Variants in URB2 observed in about 807,000 individuals in gnomAD.
URB2 encodes the protein unhealthy ribosome biogenesis protein 2 homolog.
Under a neutral mutation model 120.9 loss-of-function variants are expected in URB2, and 86 were observed. The ratio of observed to expected loss-of-function variants is 0.71; its 90% CI spans 0.60 to 0.85. The LOEUF (loss-of-function observed/expected upper bound fraction) is 0.85. Among genes scored for constraint, URB2 ranks in the 40% least tolerant of loss-of-function variants. The pLI is 0.00. For synonymous variants in URB2, 755 were observed against 758.4 expected, an observed-to-expected ratio of 1.00 and a Z score of 0.07; for missense variants, 1,765 against 1,836.5, an observed-to-expected ratio of 0.96 and a Z score of 0.71.
chr1:229,636,016 G>A lies in URB2; in HGVS notation c.1403G>A (p.Arg468Gln), dbSNP rs747719182. The change falls in exon 4 of 10, where the codon CGG becomes CAG. Residue 468 changes from arginine (R) to glutamine (Q), a missense_variant. By Grantham distance (43) the Arg-to-Gln change is conservative. Coordinates refer to ENST00000258243, the MANE Select transcript of URB2 (RefSeq NM_014777.4). The stretch of plus-strand genomic sequence containing the variant: ...TATGCCAAACTCCGACAAGTGCCAC[G>A]GTTGTTTGAAGAGGTTTTGGGGGTG... Reference protein sequence around the residue: ...QTYAKLRQVPRLFEEVLGVIC... With the variant: ...QTYAKLRQVPQLFEEVLGVIC... 2.5e-6 allele frequency: 4 copies of A among 1,613,770 alleles called. No homozygotes were observed. Among genetic ancestry groups the A allele is most frequent in the South Asian group, 2.2e-5 (2 of 91,082 alleles).
intron 9 of URB2, 150 bp downstream of exon 9, chr1:229,654,538 G>C: frequency 8.6e-7 from 1 of 1,156,408 alleles, no homozygotes; most frequent in African/African-American, 1.5e-5. Context: ...TCTCACTCAG[G>C]CTGGAGTGCA....
rs141826894 is a variant in URB2 at position 229,635,915 on chromosome 1, G to A, written c.1302G>A (p.Ala434=). The A allele has an allele frequency of 1.2e-4, 201 of 1,614,072 alleles. 2 individuals are homozygous for A. The highest frequency in any genetic ancestry group is 1.1e-4 in the South Asian group (10 of 91,088). The stretch of plus-strand genomic sequence containing the variant: ...ACCTGGATGACCTGCTGGCTTCAGC[G>A]TGGATCGATGCCGAGGTAACAGAGT... ...EPDLDDLLAS[A]WIDAEVTEFR... Residue 434 remains alanine (A), a synonymous_variant, in exon 4 of 10, where the codon GCG becomes GCA. Coordinates refer to ENST00000258243, the MANE Select transcript of URB2 (RefSeq NM_014777.4).
Position 229,660,149 on chromosome 1 carries a change from A to G in URB2, c.*852A>G, listed in dbSNP as rs1666490119. 1 of 152,224 alleles carries G rather than the reference A, an allele frequency of 6.6e-6. No homozygotes were observed. Among genetic ancestry groups the G allele is most frequent in the Admixed American group, 6.5e-5 (1 of 15,280 alleles). The allele number at this position is 152,224 out of a possible 1,614,324, so 9.4% of individuals were successfully genotyped here. On this transcript the variant is annotated 3_prime_UTR_variant, in exon 10 of 10. Coordinates refer to ENST00000258243, the MANE Select transcript of URB2 (RefSeq NM_014777.4). Reference sequence around the variant, plus strand: ...TATGTGTATGTATATAGATGTGCATATAAATATATATAGTAGCTAAATTGG... The same window carrying G: ...TATGTGTATGTATATAGATGTGCATGTAAATATATATAGTAGCTAAATTGG...
chr1:229,649,837 T>C (rs1273832444), intron 7 of URB2, among the ~76,000 whole-genome samples: 1 of 152,164 alleles, frequency 6.6e-6, no homozygotes, highest in Non-Finnish European at 1.5e-5. Flanking sequence ...ATTTTGCAGA[T>C]GAGGAAACTG....
chr1:229,628,219 C>T (rs1233404694), intron 2 of URB2, among the ~76,000 whole-genome samples: 3 of 141,082 alleles, frequency 2.1e-5, no homozygotes, highest in African/African-American at 7.9e-5. Flanking sequence ...TATACATATA[C>T]ATATTATATA....
chr1:229,641,557 T>C (rs1465651407), intron 4 of URB2, among the ~76,000 whole-genome samples: 1 of 151,684 alleles, frequency 6.6e-6, no homozygotes, highest in Non-Finnish European at 1.5e-5. Context: ...AAGTGAGGAG[T>C]GGCCCAAGGC....
At position 229,650,579 on chromosome 1, in the gene URB2, C is replaced by T. The variant is rs114787326; in HGVS notation, c.4150-656C>T. On this transcript the variant is annotated intron_variant, in intron 7 of 9. Transcript: ENST00000258243. ...CCCAGTAGCTGGAATTACAGGCATC[C>T]GGCGCCATGCTTGGCTAATTTTTGT... Among the ~76,000 whole-genome samples, 1,065 of 152,096 alleles carry T rather than the reference C, an allele frequency of 7.0e-3. 12 individuals carry two copies. The highest frequency in any genetic ancestry group is 0.014 in the African/African-American group (560 of 41,456).
chr1:229,642,018 T>TA (rs199571026), intron 4 of URB2, among the ~76,000 whole-genome samples: 14 of 151,004 alleles, frequency 9.3e-5, no homozygotes, highest in East Asian at 3.9e-4. Context: ...TCCAGAAACA[T>TA]AAAAAAAACC....
rs769502292 is a variant in URB2, at chr1:229,641,009, CT to C, written c.3635-2503del. ...CAACCCTACTGAGTTGAGGCAATCT[CT>C]TTTTTTTTTTTTTTTTTTTTGAGAC... On this transcript the variant is annotated intron_variant, in intron 4 of 9. Transcript: ENST00000258243. Among the ~76,000 whole-genome samples the C allele has an allele frequency of 7.4e-3, 856 of 115,252 alleles. 5 individuals are homozygous for C. Among genetic ancestry groups the C allele is most frequent in the African/African-American group, 0.024 (701 of 29,698 alleles). The allele number at this position is 115,252 out of a possible 152,430, so 75.6% of individuals were successfully genotyped here. A position where few individuals can be genotyped will look rare whatever the true frequency, so the allele number is the denominator to read the frequency against.
At chr1:229,627,865 T>C in intron 2 of URB2, 106 bp downstream of exon 2, 1 of 1,370,724 alleles carries the variant, frequency 7.3e-7, no homozygotes. Flanking sequence ...GAGAAAAAGT[T>C]GGGGAGGGAA....
Position 229,636,201 on chromosome 1 carries a change from C to A in URB2, c.1588C>A (p.Gln530Lys). 6.2e-7 allele frequency: 1 copy of A among 1,613,418 alleles called. No individual in the cohort carries two copies. The highest frequency in any genetic ancestry group is 1.7e-5 in the Admixed American group (1 of 60,010). Residue 530 changes from glutamine to lysine, a missense_variant, in exon 4 of 10, where the codon CAG (glutamine) becomes AAG (lysine). By Grantham distance (53) the Gln-to-Lys change is moderately conservative. Coordinates refer to ENST00000258243, the MANE Select transcript of URB2 (RefSeq NM_014777.4). ...CCAGTCTTTAGTCTTGCCCTATTTG[C>A]AGAGTGATGCCGACATGGCCCTGAA... ...KFQSLVLPYL[Q>K]SDADMALKSL...
At chr1:229,647,815 T>C (rs1340710683) in intron 7 of URB2, 63 bp downstream of exon 7, 8 of 1,552,282 alleles carry the variant, frequency 5.2e-6, no homozygotes, top group Non-Finnish European at 7.0e-6. Context: ...TTGAAGTCTG[T>C]AGAAAAGTGG....
At chr1:229,628,110 T>C (rs1205090053) in intron 2 of URB2, among the ~76,000 whole-genome samples, 1 of 141,360 alleles carries the variant, frequency 7.1e-6, no homozygotes, top group Non-Finnish European at 1.5e-5. Flanking sequence ...ATTATATATG[T>C]ATATATATGT....
In URB2 at chr1:229,635,440, C is replaced by G; in HGVS notation, c.827C>G (p.Ala276Gly). ...VKTGAMKNLL[A>G]PMDTVLNRLV... The stretch of plus-strand genomic sequence containing the variant: ...ACGGGAGCCATGAAGAACCTTCTGG[C>G]TCCCATGGACACCGTGCTTAACAGG... Residue 276 changes from alanine to glycine, a missense_variant, in exon 4 of 10, where the codon GCT becomes GGT. Coordinates refer to ENST00000258243, the MANE Select transcript of URB2 (RefSeq NM_014777.4). 1 of 1,613,536 alleles carries G rather than the reference C, an allele frequency of 6.2e-7. No individual in the cohort carries two copies. The highest frequency in any genetic ancestry group is 1.3e-5 in the African/African-American group (1 of 75,052).
chr1:229,653,758 AT>A (rs1235278842), intron 8 of URB2, among the ~76,000 whole-genome samples: 1 of 152,212 alleles, frequency 6.6e-6, no homozygotes, highest in Non-Finnish European at 1.5e-5. Flanking sequence ...ATTGAGTCCT[AT>A]GTCTGTCCAC....
In URB2 at chr1:229,636,915, A is replaced by C; in HGVS notation, c.2302A>C (p.Arg768=). The C allele has an allele frequency of 6.2e-7, 1 of 1,612,830 alleles. No homozygotes were observed. Residue 768 remains arginine (R), a synonymous_variant, in exon 4 of 10, where the codon AGA becomes CGA. Coordinates refer to ENST00000258243, the MANE Select transcript of URB2 (RefSeq NM_014777.4). ...DVGYLASVLL[R]TLPMGKAQEV... is the part of the protein sequence containing the mutation. ...GGGATACCTGGCCAGTGTCCTGCTG[A>C]GAACTTTACCCATGGGCAAAGCCCA...
At chr1:229,644,615 T>C (rs1322378585) in intron 5 of URB2, among the ~76,000 whole-genome samples, 1 of 151,536 alleles carries the variant, frequency 6.6e-6, no homozygotes, top group Non-Finnish European at 1.5e-5. Context: ...GGGCAGGCCC[T>C]GGTGGGGAGA....
chr1:229,631,344 C>T (rs1269107922), intron 2 of URB2, among the ~76,000 whole-genome samples: 3 of 152,194 alleles, frequency 2.0e-5, no homozygotes, highest in Admixed American at 6.5e-5. Context: ...CAGCAATAGG[C>T]GGTTTCACTT....
In URB2 at chr1:229,654,322, A is replaced by T. The variant is rs772986432; in HGVS notation, c.4311A>T (p.Ala1437=). The T allele has an allele frequency of 1.2e-5, 19 of 1,614,032 alleles. No individual in the cohort carries two copies. The highest frequency in any genetic ancestry group is 1.5e-5 in the Non-Finnish European group (18 of 1,180,036). Residue 1437 remains alanine (A), a synonymous_variant, in exon 9 of 10, where the codon GCA becomes GCT. Transcript: ENST00000258243. ...AAAGAATGTACAGCCACATCGCCGC[A>T]CGAGCTGAGGAGTTTGCTGTGTTTT... is the stretch of plus-strand genomic sequence containing the variant. The part of the protein sequence containing the change: ...LVERMYSHIA[A]RAEEFAVFSP...
Sources: gnomAD v4.1 joint callset for allele counts (sites outside exome capture counted in the v4.1 genomes callset) on GRCh38, gnomAD v4.1.1 for gene constraint, MANE v1.5 for transcripts, NCBI Gene and HGNC (gene_info 2026-07-23, HGNC 2026-07-21) for gene names.